Variants in SLC9B1 observed in about 807,000 individuals in gnomAD.
SLC9B1 encodes sodium/hydrogen exchanger 9B1.
In SLC9B1, 32 loss-of-function variants were observed where a neutral mutation model predicts 51.7. The observed-to-expected ratio is 0.62, with a 90% CI of 0.47 to 0.83. The LOEUF is 0.83. Among genes scored for constraint, SLC9B1 ranks in the 40% least tolerant of loss-of-function variants. SLC9B1 has a pLI of 0.00. For synonymous variants in SLC9B1, 145 were observed against 212.7 expected (o/e 0.68, Z 2.77); for missense variants, 406 against 613.2 (o/e 0.66, Z 3.57).
intron 6 of SLC9B1, among the ~76,000 whole-genome samples, chr4:102,941,015 A>T (rs954460724): frequency 6.6e-6 from 1 of 152,240 alleles, no homozygotes; most frequent in African/African-American, 2.4e-5. Context: ...CCAAAACTAT[A>T]AAAACCCTGG....
rs111991015 is a variant in SLC9B1 at position 103,005,261 on chromosome 4, TAAAA to T, written c.-1-13553_-1-13550del. On this transcript the variant is annotated intron_variant, in intron 1 of 11. Coordinates refer to ENST00000296422, the MANE Select transcript of SLC9B1 (RefSeq NM_139173.4). Reference sequence around the variant, plus strand: ...ATAGAGAAAAATCTACCAAGCAAATTAAAAAAAAAAAAAAAACCAGAAAAAAGCA... The same window carrying T: ...ATAGAGAAAAATCTACCAAGCAAATTAAAAAAAAAAAACCAGAAAAAAGCA... 5.6e-3 allele frequency among the ~76,000 whole-genome samples: 753 copies of T among 135,594 alleles called. 2 individuals are homozygous for T. The highest frequency in any genetic ancestry group is 0.017 in the African/African-American group (638 of 38,196). The allele number at this position is 135,594 out of a possible 152,430, so 89.0% of individuals were successfully genotyped here. A position where few individuals can be genotyped will look rare whatever the true frequency, so the allele number is the denominator to read the frequency against.
At chr4:102,975,565 C>CATATACATATACATATATAT (rs1223127944) in intron 3 of SLC9B1, among the ~76,000 whole-genome samples, 1 of 99,614 alleles carries the variant, frequency 1.0e-5, no homozygotes, top group African/African-American at 4.1e-5. Flanking sequence ...ATTATATATA[C>CATATACATATACATATATAT]ATATATATAT....
chr4:102,932,213 A>G lies in SLC9B1; in HGVS notation c.740T>C (p.Ile247Thr), dbSNP rs1388753142. The G allele has an allele frequency of 6.2e-7, 1 of 1,611,952 alleles. No individual in the cohort carries two copies. The highest frequency in any genetic ancestry group is 1.3e-5 in the African/African-American group (1 of 74,992). Reference protein sequence around the residue: ...QENGYGVEEGIPTLLMAASSM... With the variant: ...QENGYGVEEGTPTLLMAASSM... ...GCTAGCAGCCATTAATAAGGTTGGA[A>G]TGCCTTCCTCAACACCATATCCATT... Residue 247 changes from isoleucine (I) to threonine (T), a missense_variant, in exon 7 of 12, where the codon ATT becomes ACT. By Grantham distance (89) the Ile-to-Thr change is moderately conservative (BLOSUM62 -1). This residue lies in a region of SLC9B1 where 250 missense variants were observed against 394.1 expected (regional missense o/e 0.63). Coordinates refer to ENST00000296422, the MANE Select transcript of SLC9B1 (RefSeq NM_139173.4).
chr4:102,989,903 A>C lies in SLC9B1; in HGVS notation c.108T>G (p.Thr36=), dbSNP rs777077444. ...IDPNNTAQEE[T]KTVLSDTEEI... is the part of the protein sequence containing the mutation. The stretch of plus-strand genomic sequence containing the variant: ...CTTCTGTATCTGATAAGACAGTTTT[A>C]GTTTCTTCCTGTGCAGTATTATTAG... The change falls in exon 3 of 12, where the codon ACT becomes ACG. Residue 36 remains threonine, a synonymous_variant. Coordinates refer to ENST00000296422, the MANE Select transcript of SLC9B1 (RefSeq NM_139173.4). The C allele has an allele frequency of 3.8e-5, 61 of 1,595,394 alleles. No homozygotes were observed. The highest frequency in any genetic ancestry group is 5.1e-5 in the Non-Finnish European group (60 of 1,166,246).
intron 3 of SLC9B1, among the ~76,000 whole-genome samples, chr4:102,981,773 T>G (rs539698718): frequency 1.5e-4 from 23 of 152,316 alleles, no homozygotes; most frequent in Non-Finnish European, 3.1e-4. Flanking sequence ...AAATATGTCC[T>G]TTGCAAATAT....
intron 7 of SLC9B1, among the ~76,000 whole-genome samples, chr4:102,925,483 A>G (rs1736113789): frequency 6.6e-6 from 1 of 152,086 alleles, no homozygotes; most frequent in African/African-American, 2.4e-5. Flanking sequence ...GCACACCAAT[A>G]TGGCACATGT....
intron 11 of SLC9B1, among the ~76,000 whole-genome samples, chr4:102,904,721 C>T (rs1182622634): frequency 1.3e-5 from 2 of 151,958 alleles, no homozygotes; most frequent in African/African-American, 4.8e-5. Flanking sequence ...GTGGCTCATG[C>T]CTGTGATCCC....
chr4:102,921,949 C>T (rs1194220607), intron 7 of SLC9B1, among the ~76,000 whole-genome samples: 1 of 152,140 alleles, frequency 6.6e-6, no homozygotes, highest in Non-Finnish European at 1.5e-5. Flanking sequence ...TAGACTCCCA[C>T]ACAATAATAA....
intron 7 of SLC9B1, among the ~76,000 whole-genome samples, chr4:102,924,337 GA>G (rs1369702225): frequency 6.6e-6 from 1 of 152,178 alleles, no homozygotes; most frequent in East Asian, 1.9e-4. Context: ...ATGGTGCTGG[GA>G]AAACGGGCTA....
chr4:103,019,573 G>A (rs767101453), intron 1 of SLC9B1, 26 bp downstream of exon 1: 83 of 985,306 alleles, frequency 8.4e-5, no homozygotes, highest in Non-Finnish European at 9.9e-5. Context: ...GCTTGGAAGG[G>A]CGGCGTTAAG....
chr4:102,923,592 G>T (rs1458193015), intron 7 of SLC9B1, among the ~76,000 whole-genome samples: 1 of 151,996 alleles, frequency 6.6e-6, no homozygotes, highest in Admixed American at 6.6e-5. Flanking sequence ...GAAATAAAGG[G>T]TATTCAATTA....
chr4:102,955,843 GAGAAAGAAAGAAAGAA>G (rs56088004), intron 3 of SLC9B1, among the ~76,000 whole-genome samples: 141 of 106,842 alleles, frequency 1.3e-3, no homozygotes, highest in African/African-American at 4.3e-3. Context: ...GAAAGAGAGA[GAGAAAGAAAGAAAGAA>G]AGAAAGAAAG....
chr4:103,006,067 G>T (rs577006994), intron 1 of SLC9B1, among the ~76,000 whole-genome samples: 1 of 151,898 alleles, frequency 6.6e-6, no homozygotes, highest in Non-Finnish European at 1.5e-5. Context: ...CAACCCCAAG[G>T]TTAGCAGAAG....
At chr4:102,995,085 T>C (rs1454073061) in intron 1 of SLC9B1, among the ~76,000 whole-genome samples, 2 of 152,158 alleles carry the variant, frequency 1.3e-5, no homozygotes, top group Admixed American at 1.3e-4. Context: ...GTTAGAGCCA[T>C]TAAAAAGTTT....
At chr4:102,947,864 C>A (rs949253120) in intron 4 of SLC9B1, among the ~76,000 whole-genome samples, 1 of 145,104 alleles carries the variant, frequency 6.9e-6, no homozygotes, top group Non-Finnish European at 1.5e-5. Context: ...CAAAACACTT[C>A]TAGTATTAAA....
intron 3 of SLC9B1, 87 bp from the exon 4 acceptor site, chr4:102,949,514 C>G (rs1328423237): frequency 4.8e-6 from 5 of 1,041,602 alleles, no homozygotes; most frequent in Non-Finnish European, 6.5e-6. Context: ...ATCATATATA[C>G]TAATAGCCAG....
chr4:102,904,201 G>A (rs997103484), intron 11 of SLC9B1, among the ~76,000 whole-genome samples: 1 of 151,836 alleles, frequency 6.6e-6, no homozygotes, highest in Non-Finnish European at 1.5e-5. Context: ...GTGACTACAA[G>A]TGCGTGCCAA....
At chr4:102,924,697 A>G (rs575644630) in intron 7 of SLC9B1, among the ~76,000 whole-genome samples, 2 of 152,320 alleles carry the variant, frequency 1.3e-5, no homozygotes, top group South Asian at 4.1e-4. Flanking sequence ...CAAATAACTT[A>G]AACAAATTTA....
At chr4:102,995,131 C>T (rs1177990966) in intron 1 of SLC9B1, among the ~76,000 whole-genome samples, 4 of 152,070 alleles carry the variant, frequency 2.6e-5, no homozygotes, top group Non-Finnish European at 5.9e-5. Context: ...GGAGAGGACA[C>T]AAAATTAATT....
Sources: gnomAD v4.1 joint callset for allele counts (sites outside exome capture counted in the v4.1 genomes callset) on GRCh38, gnomAD v4.1.1 for gene constraint, gnomAD v4.1.1 regional missense constraint, MANE v1.5 for transcripts, NCBI Gene and HGNC (gene_info 2026-07-23, HGNC 2026-07-21) for gene names.